The following CELF2 variants were observed in gnomAD, a reference collection of about 807,000 sequenced individuals.
The protein encoded by CELF2 is CUGBP Elav-like family member 2, also known as CUG triplet repeat RNA-binding protein 2.
CELF2 carries 8 observed loss-of-function variants against 62.6 expected under a neutral mutation model. That is an observed-to-expected ratio of 0.13 (90% confidence interval 0.07 to 0.23). CELF2 has a LOEUF of 0.23. Ranked by LOEUF, CELF2 falls within the 10% of genes least tolerant of loss-of-function variation. The pLI is 1.00. For missense variants in CELF2, 333 were observed against 671.0 expected, an observed-to-expected ratio of 0.50 and a Z score of 5.56; for synonymous variants, 258 against 250.0, an observed-to-expected ratio of 1.03 and a Z score of -0.30.
rs1554936315 is a variant in CELF2, at chr10:11,197,025, A to AAAGAAAGAAAGAAAGAAGAAAG, written c.272-20398_272-20397insGAAAGAAAGAAAGAAGAAAGAA. Reference sequence around the variant, plus strand: ...AGGAGAAAGAAAGAAAGAAAGAAAGAAAAGAAAGAAAGAAAGAAAGAAAGA... The same window carrying AAAGAAAGAAAGAAAGAAGAAAG: ...AGGAGAAAGAAAGAAAGAAAGAAAGAAAGAAAGAAAGAAAGAAGAAAGAAAGAAAGAAAGAAAGAAAGAAAGA... On this transcript the variant is annotated intron_variant, in intron 2 of 12. Coordinates refer to ENST00000633077, the MANE Select transcript of CELF2 (RefSeq NM_001326342.2). 7.7e-5 allele frequency among the ~76,000 whole-genome samples: 2 copies of AAAGAAAGAAAGAAAGAAGAAAG among 26,048 alleles called. 1 individual carries two copies. The highest frequency in any genetic ancestry group is 1.7e-4 in the Non-Finnish European group (2 of 12,000). The allele number at this position is 26,048 out of a possible 152,430, so 17.1% of individuals were successfully genotyped here.
At chr10:10,495,025 C>T in the CELF2 span, among the ~76,000 whole-genome samples, 1 of 152,042 alleles carries the variant, frequency 6.6e-6, no homozygotes, top group Admixed American at 6.5e-5. Context: ...GCCTGCAATC[C>T]CAGCACTTTG....
rs2053271577 is a variant in CELF2 at position 10,990,170 on chromosome 10, A to G, written c.89+70171A>G. Among the ~76,000 whole-genome samples, 1 of 151,342 alleles carries G rather than the reference A, an allele frequency of 6.6e-6. No homozygotes were observed. The highest frequency in any genetic ancestry group is 6.6e-5 in the Admixed American group (1 of 15,258). Reference sequence around the variant, plus strand: ...ATAAATGCCCTTAATATTTAATCTTAGAGGAATGGTTAAATAAATTATGGG... The same window carrying G: ...ATAAATGCCCTTAATATTTAATCTTGGAGGAATGGTTAAATAAATTATGGG... On this transcript the variant is annotated intron_variant, in intron 2 of 13. Coordinates refer to the CELF2 transcript ENST00000636488. This position sits in a 1 kb window ranked among gnomAD's most constrained non-coding sequence, Gnocchi z 4.6.
chr10:10,469,504 G>T, the CELF2 span, among the ~76,000 whole-genome samples: 14 of 151,824 alleles, frequency 9.2e-5, no homozygotes, highest in African/African-American at 3.4e-4. Flanking sequence ...GAGAGTTTTC[G>T]TAATGAAAGA....
At chr10:10,503,401 C>A in the CELF2 span, among the ~76,000 whole-genome samples, 29 of 151,770 alleles carry the variant, frequency 1.9e-4, no homozygotes, top group Non-Finnish European at 8.9e-5. Context: ...ATTTTGCAAC[C>A]CTGTGCTTGA....
Position 11,225,171 on chromosome 10 carries a change from G to T in CELF2, c.354+7664G>T, listed in dbSNP as rs377078882. Among the ~76,000 whole-genome samples, 22 of 152,230 alleles carry T rather than the reference G, an allele frequency of 1.4e-4. No individual in the cohort carries two copies. The South Asian group carries it at 4.6e-3, about 32-fold the overall frequency. Reference sequence around the variant, plus strand: ...TCACCACTCTCACTGCCCACCAGCCGCAGAGATGAAAGAATAAACAGTAAA... The same window carrying T: ...TCACCACTCTCACTGCCCACCAGCCTCAGAGATGAAAGAATAAACAGTAAA... On this transcript the variant is annotated intron_variant, in intron 3 of 12. Transcript: ENST00000633077.
At chr10:10,933,680 A>G (rs2066334458) in intron 2 of CELF2, among the ~76,000 whole-genome samples, 1 of 151,940 alleles carries the variant, frequency 6.6e-6, no homozygotes, top group Admixed American at 6.6e-5. Flanking sequence ...TCCACATATG[A>G]GTAAGGTGAT....
Position 11,318,810 on chromosome 10 carries a change from T to C in CELF2, c.1097-2379T>C. The C allele has an allele frequency of 2.1e-6, 1 of 471,248 alleles. No homozygotes were observed. The highest frequency in any genetic ancestry group is 1.5e-5 in the South Asian group (1 of 64,552). The allele number at this position is 471,248 out of a possible 1,614,324, so 29.2% of individuals were successfully genotyped here. A position where few individuals can be genotyped will look rare whatever the true frequency, so the allele number is the denominator to read the frequency against. On this transcript the variant is annotated intron_variant, in intron 10 of 12. Transcript: ENST00000633077. This position sits in a 1 kb window ranked among gnomAD's most constrained non-coding sequence, Gnocchi z 5.4. ...AGTTGGGTCCCAGTGACCACTGCCA[T>C]AAAATGCCACCTGTGTATCTGGCAC...
chr10:10,955,352 G>A (rs1326158292), intron 2 of CELF2, among the ~76,000 whole-genome samples: 6 of 152,230 alleles, frequency 3.9e-5, no homozygotes, highest in African/African-American at 1.4e-4. Context: ...GATGACTGAT[G>A]TTTTCACCTC....
At chr10:10,953,324 C>A (rs1162795006) in intron 2 of CELF2, among the ~76,000 whole-genome samples, 3 of 152,166 alleles carry the variant, frequency 2.0e-5, no homozygotes, top group African/African-American at 4.8e-5. Context: ...TAATTTTTAG[C>A]TCAATTCACT....
chr10:10,940,760 T>A (rs79905105), intron 2 of CELF2, among the ~76,000 whole-genome samples: 1,571 of 152,260 alleles, frequency 0.01, 25 homozygotes, highest in African/African-American at 0.037. Flanking sequence ...TGTTCATATG[T>A]GTAGTGTATG....
At chr10:10,620,773 G>T in the CELF2 span, among the ~76,000 whole-genome samples, 1 of 147,830 alleles carries the variant, frequency 6.8e-6, no homozygotes, top group Non-Finnish European at 1.5e-5. Context: ...GGGAGTGGTG[G>T]CAGGCGCCTG....
chr10:10,526,783 T>C, the CELF2 span, among the ~76,000 whole-genome samples: 3 of 152,236 alleles, frequency 2.0e-5, no homozygotes, highest in Non-Finnish European at 2.9e-5. Flanking sequence ...TTGATTTCTG[T>C]ATCTAATGGC....
chr10:10,666,888 AAAAG>A, the CELF2 span, among the ~76,000 whole-genome samples: 6 of 75,646 alleles, frequency 7.9e-5, 2 homozygotes, highest in Non-Finnish European at 1.5e-4. Flanking sequence ...AAGAAAAAAA[AAAAG>A]AAAGAAGATG....
At chr10:10,853,835 G>A (rs2059544214) in intron 1 of CELF2, among the ~76,000 whole-genome samples, 1 of 151,930 alleles carries the variant, frequency 6.6e-6, no homozygotes, top group Non-Finnish European at 1.5e-5. Flanking sequence ...CACTAGAAAG[G>A]GGCAGAGGAT....
At chr10:10,518,206 G>A in the CELF2 span, among the ~76,000 whole-genome samples, 2 of 152,158 alleles carry the variant, frequency 1.3e-5, no homozygotes, top group East Asian at 1.9e-4. Flanking sequence ...TCTTGCTGTA[G>A]CATCTTAATC....
chr10:11,011,536 C>T lies in CELF2; in HGVS notation c.53+6096C>T, dbSNP rs1252036149. On this transcript the variant is annotated intron_variant, in intron 1 of 12. Transcript: ENST00000416382. The surrounding 1 kb of genome is among the most constrained non-coding windows in gnomAD (Gnocchi z 4.6). The stretch of plus-strand genomic sequence containing the variant: ...CTTCCTCAGACCCTAATGTCATTTA[C>T]ATCTCTCCTCTTCTCTTACCTGCCC... Among the ~76,000 whole-genome samples the T allele has an allele frequency of 6.6e-6, 1 of 151,688 alleles. No homozygotes were observed. Among genetic ancestry groups the T allele is most frequent in the Non-Finnish European group, 1.5e-5 (1 of 67,960 alleles).
the CELF2 span, among the ~76,000 whole-genome samples, chr10:10,592,294 G>C: frequency 1.3e-5 from 2 of 152,168 alleles, no homozygotes; most frequent in South Asian, 4.1e-4. Context: ...TGAGTTTTAC[G>C]ATGGTGCTAG....
the CELF2 span, among the ~76,000 whole-genome samples, chr10:10,779,377 C>G: frequency 2.0e-5 from 3 of 152,166 alleles, no homozygotes. Flanking sequence ...ATGTAAAAAC[C>G]TTACTCAAGC....
chr10:10,799,239 G>A (rs777983666), intron 1 of CELF2, among the ~76,000 whole-genome samples: 2 of 152,098 alleles, frequency 1.3e-5, no homozygotes, highest in African/African-American at 2.4e-5. Flanking sequence ...CGCACTTTGG[G>A]ACGCCAAGGT....
Sources: gnomAD v4.1 joint callset for allele counts (sites outside exome capture counted in the v4.1 genomes callset) on GRCh38, gnomAD v4.1.1 for gene constraint, Gnocchi (gnomAD v3.1) non-coding constraint, MANE v1.5 for transcripts, NCBI Gene and HGNC (gene_info 2026-07-23, HGNC 2026-07-21) for gene names.